RNGTT: variants seen among roughly 807,000 people sequenced by gnomAD.
RNGTT encodes the protein mRNA-capping enzyme.
Under a neutral mutation model 79.3 loss-of-function variants are expected in RNGTT, and 33 were observed. That is an observed-to-expected ratio of 0.42 (90% CI 0.32 to 0.56). The LOEUF is 0.56. RNGTT is among the 20% of genes least tolerant of loss of function. The probability of loss-of-function intolerance (pLI) is 0.17; values close to 1 mark genes in which losing one functional copy is unlikely to be tolerated. For synonymous variants in RNGTT, 222 were observed against 235.9 expected (o/e 0.94, Z 0.54); for missense variants, 497 against 739.1 (o/e 0.67, Z 3.80).
chr6:88,659,885 C>T (rs1774118161), intron 14 of RNGTT, among the ~76,000 whole-genome samples: 1 of 152,106 alleles, frequency 6.6e-6, no homozygotes. Flanking sequence ...AGGAAATAAT[C>T]TTAACAGCTA....
intron 4 of RNGTT, among the ~76,000 whole-genome samples, chr6:88,920,478 ATGTG>A (rs1784130585): frequency 6.6e-6 from 1 of 152,166 alleles, no homozygotes; most frequent in Admixed American, 6.6e-5. Flanking sequence ...TATGTTAAGG[ATGTG>A]TGTATATATA....
chr6:88,798,073 T>C (rs1416625519), intron 12 of RNGTT, among the ~76,000 whole-genome samples: 1 of 152,152 alleles, frequency 6.6e-6, no homozygotes, highest in Admixed American at 6.5e-5. Flanking sequence ...TTAATTGGTT[T>C]TTTTAAATCA....
At chr6:88,853,455 A>AGAT (rs1267036024) in intron 9 of RNGTT, among the ~76,000 whole-genome samples, 174 bp downstream of exon 9, 1 of 151,840 alleles carries the variant, frequency 6.6e-6, no homozygotes, top group Non-Finnish European at 1.5e-5. Flanking sequence ...CAGTGAACCG[A>AGAT]GATCCCGCCA....
chr6:88,951,356 T>C (rs1785241393), intron 1 of RNGTT, among the ~76,000 whole-genome samples: 1 of 152,174 alleles, frequency 6.6e-6, no homozygotes, highest in East Asian at 1.9e-4. Flanking sequence ...ACTTGATTGA[T>C]AAAGCAGCAG....
intron 4 of RNGTT, among the ~76,000 whole-genome samples, chr6:88,917,559 G>A (rs962499994): frequency 1.3e-5 from 2 of 152,172 alleles, no homozygotes; most frequent in Non-Finnish European, 2.9e-5. Flanking sequence ...AGAATTTTAA[G>A]CATGGCAATA....
chr6:88,855,381 G>A (rs1044693946), intron 8 of RNGTT, among the ~76,000 whole-genome samples: 17 of 151,998 alleles, frequency 1.1e-4, no homozygotes, highest in African/African-American at 4.1e-4. Context: ...GCTGATGAAG[G>A]GAAAACAAGT....
intron 14 of RNGTT, among the ~76,000 whole-genome samples, chr6:88,672,337 C>T (rs552494949): frequency 2.6e-5 from 4 of 151,650 alleles, no homozygotes; most frequent in South Asian, 2.1e-4. Context: ...AAATGTAATG[C>T]TCCATATATA....
At chr6:88,776,944 C>G (rs1778908615) in intron 12 of RNGTT, among the ~76,000 whole-genome samples, 1 of 152,128 alleles carries the variant, frequency 6.6e-6, no homozygotes, top group African/African-American at 2.4e-5. Flanking sequence ...CATCAAGGAG[C>G]TTTTCCACTA....
chr6:88,711,577 A>C (rs1332720006), intron 13 of RNGTT, among the ~76,000 whole-genome samples: 1 of 152,192 alleles, frequency 6.6e-6, no homozygotes, highest in Non-Finnish European at 1.5e-5. Flanking sequence ...TTAGACTATC[A>C]ATGTACTTTG....
chr6:88,676,964 T>C (rs538110606), intron 14 of RNGTT, among the ~76,000 whole-genome samples: 56 of 152,310 alleles, frequency 3.7e-4, no homozygotes, highest in Non-Finnish European at 6.8e-4. Context: ...ACAGCAGCTT[T>C]ATTTGTAATA....
intron 8 of RNGTT, among the ~76,000 whole-genome samples, chr6:88,867,489 GAA>G (rs1231108369): frequency 1.3e-5 from 2 of 151,142 alleles, no homozygotes; most frequent in African/African-American, 4.9e-5. Flanking sequence ...TCTCAAAAAA[GAA>G]AAAGAGAGAG....
chr6:88,631,884 A>G (rs1333480562), intron 14 of RNGTT, among the ~76,000 whole-genome samples: 1 of 152,020 alleles, frequency 6.6e-6, no homozygotes, highest in African/African-American at 2.4e-5. Context: ...AACTGTGAAA[A>G]TGTCCAATCA....
chr6:88,763,679 C>T (rs1439032240), intron 13 of RNGTT, among the ~76,000 whole-genome samples: 1 of 152,090 alleles, frequency 6.6e-6, no homozygotes, highest in Non-Finnish European at 1.5e-5. Flanking sequence ...CTTGCTAAGA[C>T]ACATGTAAGA....
chr6:88,865,604 A>C (rs1473462668), intron 8 of RNGTT, among the ~76,000 whole-genome samples: 1 of 152,144 alleles, frequency 6.6e-6, no homozygotes, highest in Non-Finnish European at 1.5e-5. Context: ...TTTTCTATGA[A>C]TAGGTATAAC....
intron 8 of RNGTT, among the ~76,000 whole-genome samples, chr6:88,856,606 A>G (rs1163201759): frequency 2.0e-5 from 3 of 152,226 alleles, no homozygotes; most frequent in Admixed American, 2.0e-4. Context: ...CACCAGAGAA[A>G]TTATTTAGCA....
chr6:88,905,643 AG>A (rs1423903446), intron 5 of RNGTT, among the ~76,000 whole-genome samples: 1 of 152,232 alleles, frequency 6.6e-6, no homozygotes, highest in Admixed American at 6.5e-5. Context: ...GTAATCTCTC[AG>A]GATCTAAAAA....
chr6:88,784,393 G>T (rs1047290288), intron 12 of RNGTT, among the ~76,000 whole-genome samples: 1 of 152,098 alleles, frequency 6.6e-6, no homozygotes, highest in African/African-American at 2.4e-5. Flanking sequence ...AGGCCAATGG[G>T]AATACTGTGG....
intron 1 of RNGTT, 48 bp downstream of exon 1, chr6:88,963,298 C>T: frequency 2.5e-6 from 4 of 1,601,870 alleles, no homozygotes; most frequent in Non-Finnish European, 3.4e-6. Context: ...GGCCCACCCC[C>T]GGGCACGTTG....
Position 88,634,453 on chromosome 6 carries a change from T to C in RNGTT, c.1507-20058A>G, listed in dbSNP as rs552757189. On this transcript the variant is annotated intron_variant, in intron 14 of 15. Coordinates refer to ENST00000369485, the MANE Select transcript of RNGTT (RefSeq NM_003800.5). ...GATCAGCAAATTGTCTCATGAAATA[T>C]GACTTGCCAAATTAGTTCAAATTGG... is the stretch of plus-strand genomic sequence containing the variant. Among the ~76,000 whole-genome samples the C allele has an allele frequency of 6.6e-5, 10 of 152,244 alleles. No homozygotes were observed. In the South Asian group the frequency reaches 2.1e-3, roughly 32 times the overall value.
Sources: allele counts gnomAD v4.1 joint callset (sites outside exome capture counted in the v4.1 genomes callset), GRCh38; gene constraint gnomAD v4.1.1; transcripts MANE v1.5; gene names NCBI Gene and HGNC (gene_info 2026-07-23, HGNC 2026-07-21).